Variants in NCAM1 observed in about 807,000 individuals in gnomAD.
NCAM1 encodes the protein neural cell adhesion molecule 1.
Under a neutral mutation model 109.8 loss-of-function variants are expected in NCAM1, and 14 were observed. That is an observed-to-expected ratio of 0.13 (90% CI 0.08 to 0.20). The LOEUF (loss-of-function observed/expected upper bound fraction) is 0.20. Among genes scored for constraint, NCAM1 ranks in the 10% least tolerant of loss-of-function variants. NCAM1 has a pLI of 1.00. For missense variants in NCAM1, 774 were observed against 1,109.9 expected (o/e 0.70, Z 4.30); for synonymous variants, 418 against 442.9 (o/e 0.94, Z 0.70).
At chr11:113,066,524 G>T (rs999924108) in intron 1 of NCAM1, among the ~76,000 whole-genome samples, 4 of 152,106 alleles carry the variant, frequency 2.6e-5, no homozygotes, top group African/African-American at 9.7e-5. Flanking sequence ...TCAATTCCTG[G>T]TTTCTGTGCT....
At chr11:113,062,082 C>T (rs907343130) in intron 1 of NCAM1, among the ~76,000 whole-genome samples, 6 of 152,092 alleles carry the variant, frequency 3.9e-5, no homozygotes, top group East Asian at 1.9e-4. Flanking sequence ...AATGCATGCA[C>T]GTAGAAACTG....
intron 14 of NCAM1, among the ~76,000 whole-genome samples, chr11:113,235,916 A>G (rs1346455257): frequency 1.3e-5 from 2 of 152,150 alleles, no homozygotes; most frequent in East Asian, 1.9e-4. Flanking sequence ...GCAGACAGAG[A>G]TACTACCCTG....
At chr11:113,240,676 C>A in intron 14 of NCAM1, 1 of 1,007,304 alleles carries the variant, frequency 9.9e-7, no homozygotes, top group Admixed American at 1.7e-5. Flanking sequence ...CTTTAACTCA[C>A]TTCAGCTCCT....
chr11:113,270,028 A>T (rs1285130994), intron 17 of NCAM1, 160 bp from the exon 18 acceptor site: 15 of 683,380 alleles, frequency 2.2e-5, no homozygotes, highest in Non-Finnish European at 3.9e-5. Flanking sequence ...TGTTTTCTCA[A>T]TTCTGGGGCA....
At chr11:113,075,853 C>A (rs880003544) in intron 1 of NCAM1, among the ~76,000 whole-genome samples, 1 of 152,364 alleles carries the variant, frequency 6.6e-6, no homozygotes, top group Non-Finnish European at 1.5e-5. Context: ...GAAACAATGT[C>A]AACTGCAAAG....
chr11:113,017,260 T>C (rs1173236818), intron 1 of NCAM1, among the ~76,000 whole-genome samples: 1 of 152,198 alleles, frequency 6.6e-6, no homozygotes, highest in Non-Finnish European at 1.5e-5. Flanking sequence ...TGAGGCAGAC[T>C]GGAAAAATAA....
intron 1 of NCAM1, among the ~76,000 whole-genome samples, chr11:113,074,988 A>G (rs1938464408): frequency 6.6e-6 from 1 of 152,166 alleles, no homozygotes; most frequent in Non-Finnish European, 1.5e-5. Flanking sequence ...CATGTGGCTC[A>G]TGGCTACATG....
chr11:113,237,856 A>G (rs1945207620), intron 14 of NCAM1, among the ~76,000 whole-genome samples: 1 of 111,520 alleles, frequency 9.0e-6, no homozygotes, highest in Non-Finnish European at 1.9e-5. Flanking sequence ...AGGTGAGACC[A>G]TATATATAGA....
intron 5 of NCAM1, among the ~76,000 whole-genome samples, chr11:113,206,868 T>C (rs1016622857): frequency 1.3e-5 from 2 of 152,226 alleles, no homozygotes; most frequent in South Asian, 2.1e-4. Context: ...CTGGGAGCAG[T>C]AATGTCCAAC....
chr11:113,098,702 C>T (rs1449359380), intron 1 of NCAM1, among the ~76,000 whole-genome samples: 1 of 152,124 alleles, frequency 6.6e-6, no homozygotes, highest in Non-Finnish European at 1.5e-5. Context: ...AAATCTGAAA[C>T]TAGAAGAATG....
intron 17 of NCAM1, chr11:113,263,077 C>A: frequency 7.2e-7 from 1 of 1,397,590 alleles, no homozygotes; most frequent in Non-Finnish European, 9.3e-7. Flanking sequence ...TTGGAAAAAG[C>A]TTTACCTCCA....
rs1190819173 is a variant in NCAM1 at position 113,278,026 on chromosome 11, A to G, written c.*2639A>G. Reference sequence around the variant, plus strand: ...CCAATGTCTATGTGTCTATGTGTGTATGTGCCATACATATGTATTCACATG... The same window carrying G: ...CCAATGTCTATGTGTCTATGTGTGTGTGTGCCATACATATGTATTCACATG... On this transcript the variant is annotated 3_prime_UTR_variant, in exon 20 of 20. Transcript: ENST00000316851. 1 of 152,142 alleles carries G rather than the reference A, an allele frequency of 6.6e-6. No homozygotes were observed. The highest frequency in any genetic ancestry group is 2.4e-5 in the African/African-American group (1 of 41,412). The allele number at this position is 152,142 out of a possible 1,614,324, so 9.4% of individuals were successfully genotyped here.
intron 1 of NCAM1, among the ~76,000 whole-genome samples, chr11:113,168,145 A>G (rs1051374185): frequency 6.6e-6 from 1 of 152,222 alleles, no homozygotes; most frequent in Non-Finnish European, 1.5e-5. Context: ...GTTAATTCAA[A>G]TCCATTTGAA....
chr11:113,171,597 G>T (rs569058142), intron 1 of NCAM1, among the ~76,000 whole-genome samples: 16 of 152,188 alleles, frequency 1.1e-4, no homozygotes, highest in Non-Finnish European at 2.1e-4. Context: ...TCATGCCACT[G>T]CACTGCAGCC....
chr11:113,050,847 C>T (rs782293714), intron 1 of NCAM1, among the ~76,000 whole-genome samples: 4 of 152,116 alleles, frequency 2.6e-5, no homozygotes, highest in Non-Finnish European at 4.4e-5. Flanking sequence ...GCAAATCATA[C>T]AGTTAAATAT....
chr11:113,008,709 C>T (rs138858165), intron 1 of NCAM1, among the ~76,000 whole-genome samples: 1 of 152,242 alleles, frequency 6.6e-6, no homozygotes, highest in East Asian at 1.9e-4. Context: ...ACTCATCTCT[C>T]GATTTCTGTA....
At chr11:113,243,564 A>T (rs782005216) in intron 14 of NCAM1, 1 of 518,872 alleles carries the variant, frequency 1.9e-6, no homozygotes, top group South Asian at 1.4e-5. Context: ...AACATTGCAC[A>T]GAATCACTGC....
chr11:113,156,309 C>T (rs1288980274), intron 1 of NCAM1, among the ~76,000 whole-genome samples: 1 of 152,066 alleles, frequency 6.6e-6, no homozygotes. Context: ...TGTTGAGTTT[C>T]AGGTAGTAGC....
Position 113,246,143 on chromosome 11 carries a change from T to G in NCAM1, c.1826-225T>G, listed in dbSNP as rs902064473. The G allele has an allele frequency of 9.1e-6, 5 of 550,314 alleles. No homozygotes were observed. In the African/African-American group the frequency reaches 9.4e-5, roughly 10 times the overall value. 34.1% of individuals were successfully genotyped at this position (550,314 alleles called of 1,614,324 possible). ...GCAGTTTCACTGCCCTCCCAATGTT[T>G]CCTATATATGCTGCTAATTTAATTT... is the stretch of plus-strand genomic sequence containing the variant. On this transcript the variant is annotated intron_variant, in intron 14 of 19. Coordinates refer to ENST00000316851, the MANE Select transcript of NCAM1 (RefSeq NM_181351.5).
Sources: allele counts gnomAD v4.1 joint callset (sites outside exome capture counted in the v4.1 genomes callset), GRCh38; gene constraint gnomAD v4.1.1; transcripts MANE v1.5; gene names NCBI Gene and HGNC (gene_info 2026-07-23, HGNC 2026-07-21).